Variants in VPS13B observed in about 807,000 individuals in gnomAD.
The protein encoded by VPS13B is intermembrane lipid transfer protein VPS13B.
VPS13B carries 285 observed loss-of-function variants against 426.4 expected under a neutral mutation model. That is an observed-to-expected ratio of 0.67 (90% CI 0.61 to 0.74). The LOEUF (loss-of-function observed/expected upper bound fraction) is 0.74, where lower values mean the gene tolerates loss of function less well. Ranked by LOEUF, VPS13B falls within the 30% of genes least tolerant of loss-of-function variation. The pLI is 0.00. For missense variants in VPS13B, 4,537 were observed against 4,782.6 expected, an observed-to-expected ratio of 0.95 and a Z score of 1.51; for synonymous variants, 1,676 against 1,676.4, an observed-to-expected ratio of 1.00 and a Z score of 0.01.
chr8:99,503,476 T>G (rs1383397260), intron 27 of VPS13B, among the ~76,000 whole-genome samples: 1 of 152,224 alleles, frequency 6.6e-6, no homozygotes, highest in Non-Finnish European at 1.5e-5. Context: ...TGATGCTGTT[T>G]AGTGGCATTT....
chr8:99,318,849 C>G lies in VPS13B; in HGVS notation c.2824+43595C>G, dbSNP rs147328431. 3.8e-4 allele frequency among the ~76,000 whole-genome samples: 58 copies of G among 152,142 alleles called. 1 individual carries two copies. The East Asian group carries it at 0.011, about 28-fold the overall frequency. ...ATGAATTTCTTTATGAGAGAAGGGT[C>G]TTATTACTGAGATTGTTCAGGTGTG... On this transcript the variant is annotated intron_variant, in intron 19 of 61. Coordinates refer to ENST00000357162, the MANE Select transcript of VPS13B (RefSeq NM_152564.5).
Position 99,266,593 on chromosome 8 carries a change from G to A in VPS13B, c.2516-7605G>A, listed in dbSNP as rs529930256. ...ACATGTCACGGGAGATACCTGGTGG[G>A]AGGTAATTGAATCATGGGGGGTGGT... On this transcript the variant is annotated intron_variant, in intron 17 of 61. Coordinates refer to ENST00000357162, the MANE Select transcript of VPS13B (RefSeq NM_152564.5). Among the ~76,000 whole-genome samples the A allele has an allele frequency of 5.3e-5, 8 of 152,240 alleles. No individual in the cohort carries two copies. The East Asian group carries it at 1.2e-3, about 22-fold the overall frequency.
chr8:99,235,447 T>C (rs1178677301), intron 17 of VPS13B, among the ~76,000 whole-genome samples: 3 of 152,216 alleles, frequency 2.0e-5, no homozygotes, highest in Non-Finnish European at 4.4e-5. Context: ...ATATGGAAAG[T>C]AGTAAAATCT....
intron 23 of VPS13B, among the ~76,000 whole-genome samples, chr8:99,453,732 T>G (rs1046841975): frequency 6.6e-6 from 1 of 152,184 alleles, no homozygotes; most frequent in African/African-American, 2.4e-5. Flanking sequence ...TTAGACTATT[T>G]TTTTAAAGCA....
intron 33 of VPS13B, among the ~76,000 whole-genome samples, chr8:99,634,252 A>G (rs1828982286): frequency 6.6e-6 from 1 of 151,974 alleles, no homozygotes; most frequent in Non-Finnish European, 1.5e-5. Flanking sequence ...TGAAATAGGC[A>G]CTGATAATGA....
intron 2 of VPS13B, among the ~76,000 whole-genome samples, chr8:99,025,248 T>C (rs1345481347): frequency 6.6e-6 from 1 of 152,172 alleles, no homozygotes; most frequent in Non-Finnish European, 1.5e-5. Flanking sequence ...TGACTTTTTC[T>C]TTTCCAATTT....
chr8:99,102,893 A>G, intron 4 of VPS13B, 60 bp from the exon 5 acceptor site: 3 of 1,441,432 alleles, frequency 2.1e-6, no homozygotes, highest in East Asian at 2.3e-5. Context: ...TAACACTTTA[A>G]GAAATAATTA....
intron 58 of VPS13B, among the ~76,000 whole-genome samples, chr8:99,863,756 T>G (rs1169081432): frequency 1.3e-5 from 2 of 152,226 alleles, no homozygotes; most frequent in African/African-American, 4.8e-5. Flanking sequence ...CATTGTGTCT[T>G]GCATATCCTT....
intron 23 of VPS13B, among the ~76,000 whole-genome samples, chr8:99,461,813 C>G (rs1818846991): frequency 6.6e-6 from 1 of 152,140 alleles, no homozygotes; most frequent in African/African-American, 2.4e-5. Flanking sequence ...TCCCATTACT[C>G]TGCTAATTGT....
chr8:99,145,669 G>A (rs183997928), intron 13 of VPS13B, among the ~76,000 whole-genome samples: 1 of 107,196 alleles, frequency 9.3e-6, no homozygotes. Flanking sequence ...TTTTCCTGCT[G>A]AGTAGTATTC....
chr8:99,809,154 G>T (rs1813567706), intron 43 of VPS13B, among the ~76,000 whole-genome samples: 1 of 152,114 alleles, frequency 6.6e-6, no homozygotes, highest in South Asian at 2.1e-4. Flanking sequence ...TTTTAAGAAG[G>T]TTTAAAATGT....
At chr8:99,481,398 A>G (rs1158887980) in intron 24 of VPS13B, among the ~76,000 whole-genome samples, 1 of 152,220 alleles carries the variant, frequency 6.6e-6, no homozygotes, top group Non-Finnish European at 1.5e-5. Flanking sequence ...ATCCACAGGA[A>G]TGCTAGGTTG....
At chr8:99,469,655 A>C (rs923161056) in intron 24 of VPS13B, among the ~76,000 whole-genome samples, 1 of 152,160 alleles carries the variant, frequency 6.6e-6, no homozygotes, top group Non-Finnish European at 1.5e-5. Flanking sequence ...AAGTGTTTTT[A>C]AAAGGAAAGG....
At chr8:99,308,180 A>T (rs1184202738) in intron 19 of VPS13B, among the ~76,000 whole-genome samples, 2 of 149,396 alleles carry the variant, frequency 1.3e-5, no homozygotes, top group Non-Finnish European at 3.0e-5. Flanking sequence ...TTTTATTTTT[A>T]ATTTTTTTTT....
Position 99,191,375 on chromosome 8 carries a change from TC to T in VPS13B, c.2334-1500del, listed in dbSNP as rs1284623293. ...GTTCAGTTATTTTAGTCTCTCTCTC[TC>T]TTTTTTTTTTTTTTTTTTTTTTTTT... On this transcript the variant is annotated intron_variant, in intron 16 of 61. Coordinates refer to ENST00000357162, the MANE Select transcript of VPS13B (RefSeq NM_152564.5). Among the ~76,000 whole-genome samples the T allele has an allele frequency of 4.8e-3, 662 of 137,396 alleles. 10 individuals carry two copies. Among genetic ancestry groups the T allele is most frequent in the Non-Finnish European group, 7.9e-3 (506 of 63,880 alleles). 90.1% of individuals were successfully genotyped at this position (137,396 alleles called of 152,430 possible).
At chr8:99,028,756 C>T (rs1376513215) in intron 2 of VPS13B, among the ~76,000 whole-genome samples, 11 of 142,978 alleles carry the variant, frequency 7.7e-5, no homozygotes, top group Non-Finnish European at 1.2e-4. Flanking sequence ...GGGCAACTGG[C>T]CGGGCAGAGG....
rs191433252 is a variant in VPS13B at position 99,312,371 on chromosome 8, C to G, written c.2824+37117C>G. Among the ~76,000 whole-genome samples the G allele has an allele frequency of 2.2e-3, 336 of 152,274 alleles. 1 individual carries two copies. Among genetic ancestry groups the G allele is most frequent in the African/African-American group, 7.6e-3 (316 of 41,548 alleles). On this transcript the variant is annotated intron_variant, in intron 19 of 61. Transcript: ENST00000357162. ...TCTTTTAGGGCAGGCCTGGTGGTGA[C>G]AAAATCTCTCAGCATTTGCTTGTCT...
At chr8:99,602,011 C>T (rs574216129) in intron 33 of VPS13B, among the ~76,000 whole-genome samples, 18 of 152,218 alleles carry the variant, frequency 1.2e-4, no homozygotes, top group Non-Finnish European at 2.6e-4. Context: ...TTAGATCCCA[C>T]ATTTGTCAAT....
rs1563492633 is a variant in VPS13B, at chr8:99,823,989, CAT to C, written c.9330+13_9330+14del. On this transcript the variant is annotated intron_variant, in intron 51 of 61. Coordinates refer to ENST00000357162, the MANE Select transcript of VPS13B (RefSeq NM_152564.5). The stretch of plus-strand genomic sequence containing the variant: ...CATTCTGGAAAGGAGGTAAGCAAAT[CAT>C]AACGATTCTTTTGTCTAAGTTTTGA... The C allele has an allele frequency of 6.2e-7, 1 of 1,610,584 alleles. No homozygotes were observed. The highest frequency in any genetic ancestry group is 2.2e-5 in the East Asian group (1 of 44,796).
Sources: gnomAD v4.1 joint callset for allele counts (sites outside exome capture counted in the v4.1 genomes callset) on GRCh38, gnomAD v4.1.1 for gene constraint, MANE v1.5 for transcripts, NCBI Gene and HGNC (gene_info 2026-07-23, HGNC 2026-07-21) for gene names.